TJP1: variants seen among roughly 807,000 people sequenced by gnomAD.
TJP1 encodes tight junction protein ZO-1.
TJP1 carries 43 observed loss-of-function variants against 194.2 expected under a neutral mutation model. That is an observed-to-expected ratio of 0.22 (90% CI 0.17 to 0.29). TJP1 has a LOEUF of 0.29. Ranked by LOEUF, TJP1 falls within the 10% of genes least tolerant of loss-of-function variation. TJP1 has a pLI of 1.00. For missense variants in TJP1, 1,971 were observed against 2,185.7 expected (o/e 0.90, Z 1.96); for synonymous variants, 801 against 779.0 (o/e 1.03, Z -0.47).
intron 27 of TJP1, among the ~76,000 whole-genome samples, chr15:29,701,898 T>A (rs576594793): frequency 1.2e-4 from 19 of 152,268 alleles, no homozygotes; most frequent in African/African-American, 2.4e-4. Flanking sequence ...TCTAAAAAAA[T>A]TTTTTTTAAA....
chr15:29,931,023 AACT>A (rs1316958375), intron 2 of TJP1, among the ~76,000 whole-genome samples: 2 of 152,322 alleles, frequency 1.3e-5, no homozygotes, highest in East Asian at 3.9e-4. Flanking sequence ...CCCAGAACTT[AACT>A]ACTAATAGCC....
At chr15:29,818,839 C>T (rs115535408) in intron 1 of TJP1, among the ~76,000 whole-genome samples, 3,514 of 151,644 alleles carry the variant, frequency 0.023, 47 homozygotes, top group South Asian at 0.053. Context: ...GTTTTTGAGA[C>T]GGAAGCTCAC....
chr15:29,967,274 G>A (rs553170933), intron 1 of TJP1, among the ~76,000 whole-genome samples: 27 of 151,816 alleles, frequency 1.8e-4, no homozygotes, highest in South Asian at 6.2e-4. Context: ...GACCTCAGGC[G>A]ATACGCCTGC....
intron 1 of TJP1, among the ~76,000 whole-genome samples, chr15:29,965,858 T>C (rs539418672): frequency 2.9e-4 from 44 of 152,290 alleles, no homozygotes; most frequent in African/African-American, 9.9e-4. Context: ...CGCTGTAGAA[T>C]CAGATGAATG....
At chr15:29,734,988 A>G (rs1220181078) in intron 11 of TJP1, among the ~76,000 whole-genome samples, 1 of 152,152 alleles carries the variant, frequency 6.6e-6, no homozygotes, top group Non-Finnish European at 1.5e-5. Flanking sequence ...CAAGTTGCTG[A>G]GAAAAAAAAT....
At chr15:29,860,874 A>G (rs769501722) in intron 2 of TJP1, among the ~76,000 whole-genome samples, 3 of 152,188 alleles carry the variant, frequency 2.0e-5, no homozygotes, top group Non-Finnish European at 2.9e-5. Context: ...AGCGTTTCTT[A>G]GCAAAATTTT....
intron 12 of TJP1, among the ~76,000 whole-genome samples, 155 bp downstream of exon 12, chr15:29,734,119 C>T (rs1167007538): frequency 6.6e-6 from 1 of 152,040 alleles, no homozygotes; most frequent in African/African-American, 2.4e-5. Flanking sequence ...ATTCTGTGCT[C>T]CTAAATGACT....
intron 2 of TJP1, among the ~76,000 whole-genome samples, chr15:29,954,703 T>C (rs2055874056): frequency 6.6e-6 from 1 of 152,184 alleles, no homozygotes; most frequent in South Asian, 2.1e-4. Context: ...CATTTTAAGG[T>C]AAAATGCTTG....
intron 2 of TJP1, among the ~76,000 whole-genome samples, chr15:29,904,723 C>A (rs2053750865): frequency 6.6e-6 from 1 of 152,118 alleles, no homozygotes; most frequent in Non-Finnish European, 1.5e-5. Context: ...CCTCAAAATT[C>A]ATGTCTATCT....
chr15:29,865,302 G>T (rs1194571460), intron 2 of TJP1, among the ~76,000 whole-genome samples: 1 of 151,644 alleles, frequency 6.6e-6, no homozygotes. Flanking sequence ...TAAGAGCATG[G>T]GGAATGCAGC....
At chr15:29,771,160 CAT>C (rs1357614572) in intron 4 of TJP1, among the ~76,000 whole-genome samples, 9 of 152,262 alleles carry the variant, frequency 5.9e-5, no homozygotes, top group Admixed American at 3.3e-4. Flanking sequence ...AGAACAGTAA[CAT>C]AATATATCTA....
chr15:29,957,863 C>G (rs544505577), intron 1 of TJP1, among the ~76,000 whole-genome samples: 1 of 152,316 alleles, frequency 6.6e-6, no homozygotes, highest in East Asian at 1.9e-4. Context: ...ACACTTCCAT[C>G]AACAGTATAT....
At chr15:29,810,577 A>G (rs1288006908) in intron 1 of TJP1, among the ~76,000 whole-genome samples, 1 of 152,190 alleles carries the variant, frequency 6.6e-6, no homozygotes, top group Non-Finnish European at 1.5e-5. Flanking sequence ...CATTACCAGT[A>G]AGTGAGTTAA....
chr15:29,943,095 G>A (rs2055139662), intron 2 of TJP1, among the ~76,000 whole-genome samples: 1 of 152,174 alleles, frequency 6.6e-6, no homozygotes, highest in Non-Finnish European at 1.5e-5. Flanking sequence ...AGACACTGGT[G>A]AAACCAAGAC....
chr15:29,744,051 C>A (rs1331307490), intron 8 of TJP1, among the ~76,000 whole-genome samples: 1 of 152,008 alleles, frequency 6.6e-6, no homozygotes, highest in Non-Finnish European at 1.5e-5. Flanking sequence ...TGGTGGCATG[C>A]GCCTATAGTC....
chr15:29,835,897 G>GAGAGAGAGAC (rs371505244), intron 2 of TJP1, among the ~76,000 whole-genome samples: 1 of 152,058 alleles, frequency 6.6e-6, no homozygotes, highest in African/African-American at 2.4e-5. Flanking sequence ...GAAAGAGAGA[G>GAGAGAGAGAC]AGAGAGAGAC....
Position 29,822,227 on chromosome 15 carries a change from G to C in TJP1, c.-199C>G. 8.5e-7 allele frequency: 1 copy of C among 1,178,470 alleles called. No homozygotes were observed. The highest frequency in any genetic ancestry group is 4.3e-5 in the South Asian group (1 of 23,048). 73.0% of individuals were successfully genotyped at this position (1,178,470 alleles called of 1,614,324 possible). On this transcript the variant is annotated 5_prime_UTR_variant, in exon 1 of 28. Transcript: ENST00000614355. ...TCCGGGAAGCGCCCGCCCCGCCCGG[G>C]TCTTCTCCACGGGGCGCGCCCGACC...
chr15:29,908,692 A>G (rs1266814354), intron 2 of TJP1, among the ~76,000 whole-genome samples: 3 of 152,180 alleles, frequency 2.0e-5, no homozygotes, highest in Admixed American at 6.5e-5. Flanking sequence ...GAAGTTGGCT[A>G]GGAGGTTTTG....
intron 8 of TJP1, among the ~76,000 whole-genome samples, chr15:29,746,377 C>CA (rs527673578): frequency 0.054 from 6,524 of 120,246 alleles, 158 homozygotes; most frequent in South Asian, 0.09. Flanking sequence ...GACTCCGTCT[C>CA]AAAAAAAAAA....
Sources: gnomAD v4.1 joint callset for allele counts (sites outside exome capture counted in the v4.1 genomes callset) on GRCh38, gnomAD v4.1.1 for gene constraint, MANE v1.5 for transcripts, NCBI Gene and HGNC (gene_info 2026-07-23, HGNC 2026-07-21) for gene names.